The following B3GLCT variants were observed in gnomAD, a reference collection of about 807,000 sequenced individuals.
B3GLCT encodes beta 3-glucosyltransferase, also known as beta-1,3-glucosyltransferase.
A neutral mutation model predicts 63.4 loss-of-function variants in B3GLCT; 65 were observed. That is an observed-to-expected ratio of 1.03 (90% CI 0.84 to 1.26). The LOEUF (loss-of-function observed/expected upper bound fraction) is 1.26, where lower values mean the gene tolerates loss of function less well. Among genes scored for constraint, B3GLCT ranks in the 50% most tolerant of loss-of-function variants. B3GLCT has a pLI of 0.00. For missense variants in B3GLCT, 577 were observed against 604.8 expected (o/e 0.95, Z 0.48); for synonymous variants, 233 against 219.2 (o/e 1.06, Z -0.55).
rs376279701 is a variant in B3GLCT at position 31,329,481 on chromosome 13, ACTCT to A, written c.1330-17_1330-14del. The A allele has an allele frequency of 6.2e-7, 1 of 1,613,950 alleles. No individual in the cohort carries two copies. Among genetic ancestry groups the A allele is most frequent in the East Asian group, 2.2e-5 (1 of 44,880 alleles). On this transcript the variant is annotated splice_polypyrimidine_tract_variant and intron_variant, in intron 14 of 14. Coordinates refer to ENST00000343307, the MANE Select transcript of B3GLCT (RefSeq NM_194318.4). ...TATATTCAATCAACAAGGAAGCCTA[ACTCT>A]CTATTTTTCCTGCAGGCTCGGCCGG...
chr13:31,302,353 T>C lies in B3GLCT; in HGVS notation c.1065-15213T>C, dbSNP rs1044850878. Among the ~76,000 whole-genome samples the C allele has an allele frequency of 3.9e-5, 6 of 151,936 alleles. No homozygotes were observed. The East Asian group carries it at 7.8e-4, about 20-fold the overall frequency. On this transcript the variant is annotated intron_variant, in intron 12 of 14. Transcript: ENST00000343307. The stretch of plus-strand genomic sequence containing the variant: ...GATGGCCGAATAGGAACAGCTCCGG[T>C]CTACAGCTCCCAGCGTGAGCGACGC...
chr13:31,280,994 T>C (rs1454571218), intron 10 of B3GLCT, among the ~76,000 whole-genome samples: 3 of 152,210 alleles, frequency 2.0e-5, no homozygotes, highest in Non-Finnish European at 4.4e-5. Context: ...TGTTTTAATA[T>C]TCAACTTGAT....
At chr13:31,239,501 A>G (rs967665495) in intron 4 of B3GLCT, among the ~76,000 whole-genome samples, 3 of 152,172 alleles carry the variant, frequency 2.0e-5, no homozygotes, top group Non-Finnish European at 2.9e-5. Flanking sequence ...ATCTGTGTCA[A>G]TTATGATTTG....
At chr13:31,291,334 T>C (rs1016569484) in intron 12 of B3GLCT, among the ~76,000 whole-genome samples, 2 of 152,222 alleles carry the variant, frequency 1.3e-5, no homozygotes, top group African/African-American at 4.8e-5. Context: ...CCATATGAAA[T>C]TTAAAATAGT....
chr13:31,201,724 A>T (rs1255237112), intron 1 of B3GLCT, among the ~76,000 whole-genome samples: 1 of 152,226 alleles, frequency 6.6e-6, no homozygotes, highest in African/African-American at 2.4e-5. Context: ...GCTGAAATGC[A>T]CATTTGTATT....
chr13:31,222,874 C>T (rs1483649738), intron 2 of B3GLCT, 78 bp from the exon 3 acceptor site: 1 of 940,524 alleles, frequency 1.1e-6, no homozygotes, highest in Non-Finnish European at 1.8e-6. Context: ...ATACCATGCA[C>T]CATGCATGTT....
chr13:31,299,732 C>G (rs1442572739), intron 12 of B3GLCT, among the ~76,000 whole-genome samples: 1 of 152,168 alleles, frequency 6.6e-6, no homozygotes, highest in Non-Finnish European at 1.5e-5. Flanking sequence ...TCAAGGAAGT[C>G]CACAGGGATA....
intron 11 of B3GLCT, among the ~76,000 whole-genome samples, chr13:31,285,576 T>C (rs981519225): frequency 6.6e-6 from 1 of 150,534 alleles, no homozygotes; most frequent in African/African-American, 2.4e-5. Context: ...GTTCTTTAGT[T>C]TTTTTGTTCC....
At chr13:31,210,669 GGTTA>G (rs796767483) in intron 1 of B3GLCT, among the ~76,000 whole-genome samples, 26 of 152,244 alleles carry the variant, frequency 1.7e-4, no homozygotes, top group African/African-American at 6.3e-4. Flanking sequence ...TTCTGTAAAT[GGTTA>G]GTTATTTTAA....
intron 8 of B3GLCT, among the ~76,000 whole-genome samples, chr13:31,270,107 C>T (rs1272072529): frequency 2.0e-5 from 3 of 152,200 alleles, no homozygotes; most frequent in African/African-American, 7.2e-5. Flanking sequence ...ACCAGTTATT[C>T]TAGAGGCAGG....
intron 8 of B3GLCT, among the ~76,000 whole-genome samples, chr13:31,274,308 G>T (rs1039271719): frequency 6.6e-6 from 1 of 152,158 alleles, no homozygotes; most frequent in Non-Finnish European, 1.5e-5. Context: ...ATTGCTTATT[G>T]TTAGTAATAG....
intron 13 of B3GLCT, among the ~76,000 whole-genome samples, chr13:31,318,329 T>TAG (rs1391967508): frequency 6.6e-6 from 1 of 152,210 alleles, no homozygotes; most frequent in African/African-American, 2.4e-5. Context: ...TTGCATGTCT[T>TAG]CTGTGTTCCA....
At chr13:31,213,351 G>A (rs1435212744) in intron 1 of B3GLCT, among the ~76,000 whole-genome samples, 1 of 152,120 alleles carries the variant, frequency 6.6e-6, no homozygotes, top group East Asian at 1.9e-4. Flanking sequence ...GCACTTTGGG[G>A]TGCTGAGTTG....
At chr13:31,210,062 T>C (rs1356696329) in intron 1 of B3GLCT, among the ~76,000 whole-genome samples, 1 of 152,218 alleles carries the variant, frequency 6.6e-6, no homozygotes, top group Non-Finnish European at 1.5e-5. Flanking sequence ...ACTCCGGGGC[T>C]TAGGCTGGCC....
intron 4 of B3GLCT, among the ~76,000 whole-genome samples, chr13:31,242,620 G>C (rs925895743): frequency 1.3e-5 from 2 of 152,196 alleles, no homozygotes; most frequent in Admixed American, 6.5e-5. Flanking sequence ...AGAAGAAATA[G>C]AGCCAGGATT....
At chr13:31,201,089 AT>A (rs1387879639) in intron 1 of B3GLCT, among the ~76,000 whole-genome samples, 4 of 149,144 alleles carry the variant, frequency 2.7e-5, no homozygotes, top group South Asian at 2.1e-4. Context: ...GCGAAAAATT[AT>A]TTTTTTTTCA....
chr13:31,240,497 A>G (rs1026253434), intron 4 of B3GLCT, among the ~76,000 whole-genome samples: 3 of 102,712 alleles, frequency 2.9e-5, no homozygotes, highest in African/African-American at 1.0e-4. Context: ...TTTTTATATT[A>G]AAAACACCTG....
chr13:31,259,666 A>C (rs1488134531), intron 6 of B3GLCT, among the ~76,000 whole-genome samples: 2 of 151,880 alleles, frequency 1.3e-5, no homozygotes, highest in African/African-American at 4.8e-5. Context: ...CTTTCAGTCC[A>C]GCAAGGCTGC....
At chr13:31,320,767 G>C (rs940960878) in intron 13 of B3GLCT, among the ~76,000 whole-genome samples, 2 of 152,122 alleles carry the variant, frequency 1.3e-5, no homozygotes, top group Admixed American at 6.5e-5. Context: ...TGCTGAACTT[G>C]TTTCAGTTTC....
Sources: allele counts gnomAD v4.1 joint callset (sites outside exome capture counted in the v4.1 genomes callset), GRCh38; gene constraint gnomAD v4.1.1; transcripts MANE v1.5; gene names NCBI Gene and HGNC (gene_info 2026-07-23, HGNC 2026-07-21).